ABTB2: variants seen among roughly 807,000 people sequenced by gnomAD.
The protein encoded by ABTB2 is ankyrin repeat and BTB/POZ domain-containing protein 2.
A neutral mutation model predicts 104.1 loss-of-function variants in ABTB2; 56 were observed. The observed-to-expected ratio is 0.54, with a 90% confidence interval of 0.43 to 0.67. The LOEUF (loss-of-function observed/expected upper bound fraction) is 0.67. ABTB2 is among the 30% of genes least tolerant of loss of function. ABTB2 has a pLI of 0.00. For missense variants in ABTB2, 1,279 were observed against 1,407.7 expected (o/e 0.91, Z 1.46); for synonymous variants, 606 against 608.2 (o/e 1.00, Z 0.05).
intron 1 of ABTB2, among the ~76,000 whole-genome samples, chr11:34,250,451 C>T (rs774181377): frequency 6.6e-6 from 1 of 152,220 alleles, no homozygotes; most frequent in Non-Finnish European, 1.5e-5. Flanking sequence ...TCTCTTCCTT[C>T]CTTGCCCAAA....
In ABTB2 at chr11:34,356,978, G is replaced by T; in HGVS notation, c.606C>A (p.Gly202=). 1.9e-6 allele frequency: 3 copies of T among 1,591,120 alleles called. No individual in the cohort carries two copies. Among genetic ancestry groups the T allele is most frequent in the Admixed American group, 1.8e-5 (1 of 56,272 alleles). ...GLRRGKSARC[G]LTFSVGRFFR... ...AAAAGCGACCCACTGAGAAGGTGAGGCCGCAGCGCGCGGACTTGCCCCGGC... is the reference window on the plus strand; with the variant it reads ...AAAAGCGACCCACTGAGAAGGTGAGTCCGCAGCGCGCGGACTTGCCCCGGC... Residue 202 remains glycine (G), a synonymous_variant, in exon 1 of 17, where the codon GGC becomes GGA. Transcript: ENST00000435224. The surrounding 1 kb of genome is among the most constrained non-coding windows in gnomAD (Gnocchi z 4.6).
chr11:34,165,332 C>T lies in ABTB2; in HGVS notation c.1780G>A (p.Val594Ile). ...CCGCCGTTCACTGCCGAGCCCTCGA[C>T]ATGGGCACCAGCATCCAGCAGCAAC... is the stretch of plus-strand genomic sequence containing the variant. ...VQLLLDAGAH[V>I]EGSAVNGGED... Residue 594 changes from valine to isoleucine, a missense_variant, in exon 8 of 17, where the codon GTC becomes ATC. By Grantham distance (29) the Val-to-Ile change is conservative. Transcript: ENST00000435224. 1 of 1,587,008 alleles carries T rather than the reference C, an allele frequency of 6.3e-7. No homozygotes were observed.
At chr11:34,310,831 T>C (rs551140505) in intron 1 of ABTB2, among the ~76,000 whole-genome samples, 2 of 151,380 alleles carry the variant, frequency 1.3e-5, no homozygotes, top group African/African-American at 4.9e-5. Flanking sequence ...CTGCATCTCA[T>C]ATCCTTAGTC....
intron 1 of ABTB2, 87 bp from the exon 2 acceptor site, chr11:34,204,777 T>A: frequency 7.1e-7 from 1 of 1,411,526 alleles, no homozygotes; most frequent in Non-Finnish European, 9.6e-7. Flanking sequence ...GGCTCAGCCC[T>A]GCTCCCCTGC....
intron 1 of ABTB2, among the ~76,000 whole-genome samples, chr11:34,272,162 G>A (rs951909984): frequency 1.8e-4 from 28 of 152,124 alleles, no homozygotes; most frequent in Non-Finnish European, 1.2e-4. Context: ...TTGGGTTGCT[G>A]TTAGGAGTAA....
At chr11:34,156,874 C>T (rs551243955) in intron 14 of ABTB2, among the ~76,000 whole-genome samples, 1 of 152,174 alleles carries the variant, frequency 6.6e-6, no homozygotes, top group Non-Finnish European at 1.5e-5. Flanking sequence ...TTTGGCTATA[C>T]TGTAAGTTCA....
intron 3 of ABTB2, among the ~76,000 whole-genome samples, chr11:34,183,899 A>G (rs115982943): frequency 1.3e-3 from 198 of 152,082 alleles, no homozygotes; most frequent in African/African-American, 4.6e-3. Context: ...TTTTTGTTTT[A>G]AAAACAAAAA....
intron 1 of ABTB2, among the ~76,000 whole-genome samples, chr11:34,307,924 C>A (rs1176965058): frequency 6.6e-6 from 1 of 152,196 alleles, no homozygotes; most frequent in Non-Finnish European, 1.5e-5. Context: ...GTCTCGAACT[C>A]CTGACCTCGT....
chr11:34,185,219 G>A (rs1395375942), intron 3 of ABTB2, among the ~76,000 whole-genome samples: 2 of 152,190 alleles, frequency 1.3e-5, no homozygotes, highest in African/African-American at 2.4e-5. Flanking sequence ...GTGGCGTGAG[G>A]GCTCTTGAAG....
chr11:34,172,418 A>ATATATATATATATG lies in ABTB2; in HGVS notation c.1397+736_1397+737insCATATATATATATA, dbSNP rs55819950. 6.0e-3 allele frequency among the ~76,000 whole-genome samples: 501 copies of ATATATATATATATG among 84,102 alleles called. 15 individuals carry two copies. Among genetic ancestry groups the ATATATATATATATG allele is most frequent in the Non-Finnish European group, 9.6e-3 (417 of 43,568 alleles). 55.2% of individuals were successfully genotyped at this position (84,102 alleles called of 152,430 possible). A position where few individuals can be genotyped will look rare whatever the true frequency, so the allele number is the denominator to read the frequency against. ...AAAATATATATATATATATATATAT[A>ATATATATATATATG]TGTGTGTGTGTGTGTGTATATAGAT... is the stretch of plus-strand genomic sequence containing the variant. On this transcript the variant is annotated intron_variant, in intron 4 of 16. Transcript: ENST00000435224.
chr11:34,286,440 C>G (rs1203383507), intron 1 of ABTB2, among the ~76,000 whole-genome samples: 1 of 151,902 alleles, frequency 6.6e-6, no homozygotes, highest in Admixed American at 6.6e-5. Context: ...TTACAGGCAC[C>G]CGCCACCACA....
intron 1 of ABTB2, among the ~76,000 whole-genome samples, chr11:34,230,565 A>G (rs1345119605): frequency 6.6e-6 from 1 of 152,062 alleles, no homozygotes; most frequent in Non-Finnish European, 1.5e-5. Flanking sequence ...CGATGGGGAG[A>G]GTTGCCCCCT....
chr11:34,260,113 TGAAAAA>T (rs1194504717), intron 1 of ABTB2, among the ~76,000 whole-genome samples: 1 of 152,086 alleles, frequency 6.6e-6, no homozygotes, highest in African/African-American at 2.4e-5. Flanking sequence ...CTGGCCTAAA[TGAAAAA>T]GAAAATCTCT....
At chr11:34,288,187 A>G (rs1199345988) in intron 1 of ABTB2, among the ~76,000 whole-genome samples, 1 of 152,238 alleles carries the variant, frequency 6.6e-6, no homozygotes, top group Non-Finnish European at 1.5e-5. Flanking sequence ...CACATACTCC[A>G]GAAAAAAGCC....
At chr11:34,204,437 A>C in intron 2 of ABTB2, 107 bp downstream of exon 2, 2 of 1,361,362 alleles carry the variant, frequency 1.5e-6, no homozygotes, top group Non-Finnish European at 2.0e-6. Flanking sequence ...GAGGAGGAGG[A>C]GGCCAGAGCA....
intron 9 of ABTB2, 84 bp downstream of exon 9, chr11:34,164,602 T>C: frequency 1.5e-6 from 2 of 1,368,326 alleles, no homozygotes; most frequent in Non-Finnish European, 1.9e-6. Flanking sequence ...CCTAGCTCTT[T>C]TGCTCCCATC....
At position 34,357,032 on chromosome 11, in the gene ABTB2, C is replaced by T. The variant is rs775910458; in HGVS notation, c.552G>A (p.Leu184=). The T allele has an allele frequency of 1.3e-6, 2 of 1,545,816 alleles. No individual in the cohort carries two copies. Among genetic ancestry groups the T allele is most frequent in the Non-Finnish European group, 1.7e-6 (2 of 1,147,448 alleles). ...GCCCGTCGCCGGCGCTCATGCTGTACAGGGACAGCGCCTTGACGGCTGCCA... is the reference window on the plus strand; with the variant it reads ...GCCCGTCGCCGGCGCTCATGCTGTATAGGGACAGCGCCTTGACGGCTGCCA... ...CALAAVKALS[L]YSMSAGDGLR... is the part of the protein sequence containing the mutation. The change falls in exon 1 of 17, where the codon CTG becomes CTA. Residue 184 remains leucine, a synonymous_variant. Coordinates refer to ENST00000435224, the MANE Select transcript of ABTB2 (RefSeq NM_145804.3).
chr11:34,320,630 C>T (rs1463398334), intron 1 of ABTB2, among the ~76,000 whole-genome samples: 2 of 152,198 alleles, frequency 1.3e-5, no homozygotes, highest in East Asian at 1.9e-4. Flanking sequence ...ATTCTCTCAC[C>T]TAACCTTCAC....
chr11:34,348,320 C>T (rs1254313937), intron 1 of ABTB2, among the ~76,000 whole-genome samples: 1 of 152,178 alleles, frequency 6.6e-6, no homozygotes, highest in Non-Finnish European at 1.5e-5. Context: ...GGAAAACTCT[C>T]ATCCTGTACT....
Sources: allele counts gnomAD v4.1 joint callset (sites outside exome capture counted in the v4.1 genomes callset), GRCh38; gene constraint gnomAD v4.1.1; non-coding constraint Gnocchi (gnomAD v3.1); transcripts MANE v1.5; gene names NCBI Gene and HGNC (gene_info 2026-07-23, HGNC 2026-07-21).